Variants in SLC26A7 observed in about 807,000 individuals in gnomAD.
SLC26A7 encodes anion exchange transporter.
In SLC26A7, 59 loss-of-function variants were observed where a neutral mutation model predicts 82.5. That is an observed-to-expected ratio of 0.72 (90% CI 0.58 to 0.89). The LOEUF (loss-of-function observed/expected upper bound fraction) is 0.89, where lower values mean the gene tolerates loss of function less well. Among genes scored for constraint, SLC26A7 ranks in the 40% least tolerant of loss-of-function variants. The pLI, the probability that SLC26A7 is intolerant of heterozygous loss-of-function variation, is 0.00. For missense variants in SLC26A7, 820 were observed against 793.0 expected, an observed-to-expected ratio of 1.03 and a Z score of -0.41; for synonymous variants, 271 against 274.3, an observed-to-expected ratio of 0.99 and a Z score of 0.12.
intron 9 of SLC26A7, chr8:91,343,861 C>T (rs1291140159): frequency 5.5e-6 from 2 of 363,784 alleles, no homozygotes; most frequent in African/African-American, 4.4e-5. Flanking sequence ...ACTGAAAGTT[C>T]TATCTATAGA....
chr8:91,333,213 G>C (rs1813142814), intron 5 of SLC26A7, among the ~76,000 whole-genome samples: 1 of 152,046 alleles, frequency 6.6e-6, no homozygotes, highest in Admixed American at 6.6e-5. Context: ...TTTTAAAAAG[G>C]GCTTTAATGT....
intron 5 of SLC26A7, among the ~76,000 whole-genome samples, chr8:91,320,827 G>A (rs1812770894): frequency 6.6e-6 from 1 of 152,174 alleles, no homozygotes; most frequent in African/African-American, 2.4e-5. Flanking sequence ...TTTCACAATT[G>A]TTATATCCTT....
intron 2 of SLC26A7, among the ~76,000 whole-genome samples, chr8:91,229,387 CCTCT>C (rs1312076595): frequency 6.6e-6 from 1 of 152,070 alleles, no homozygotes; most frequent in Non-Finnish European, 1.5e-5. Context: ...TGAATTTTTC[CCTCT>C]AACATTTTAT....
chr8:91,306,413 G>GA (rs1409398173), intron 4 of SLC26A7, among the ~76,000 whole-genome samples: 22 of 152,144 alleles, frequency 1.4e-4, no homozygotes, highest in African/African-American at 5.1e-4. Flanking sequence ...GATGTATGCA[G>GA]GATTCGGGAA....
intron 2 of SLC26A7, among the ~76,000 whole-genome samples, chr8:91,255,340 C>A (rs184249845): frequency 1.3e-5 from 2 of 152,266 alleles, no homozygotes; most frequent in Admixed American, 6.5e-5. Context: ...AGCTGAGCTT[C>A]ATTGCACTCC....
rs2130830981 is a variant in SLC26A7, at chr8:91,334,319, A to G, written c.667A>G (p.Ile223Val). The G allele has an allele frequency of 6.2e-7, 1 of 1,612,378 alleles. No individual in the cohort carries two copies. Among genetic ancestry groups the G allele is most frequent in the East Asian group, 2.2e-5 (1 of 44,818 alleles). The part of the protein sequence containing the change: ...FYIYAYVFEN[I>V]KSVRLEALLL... ...GATTTATGCATATGTTTTTGAAAAC[A>G]TCAAGTCTGTGCGACTGGAAGCATT... The change falls in exon 6 of 19, where the codon ATC (isoleucine) becomes GTC (valine). Residue 223 changes from isoleucine to valine, a missense_variant. Transcript: ENST00000276609.
chr8:91,373,875 G>GA (rs1554614844), intron 15 of SLC26A7, among the ~76,000 whole-genome samples: 115 of 151,742 alleles, frequency 7.6e-4, no homozygotes, highest in African/African-American at 2.4e-3. Context: ...TTGGTTGGTA[G>GA]TTTTTTTTAT....
intron 6 of SLC26A7, among the ~76,000 whole-genome samples, chr8:91,335,475 G>A (rs1813214718): frequency 6.6e-6 from 1 of 152,112 alleles, no homozygotes; most frequent in African/African-American, 2.4e-5. Flanking sequence ...AGCAACAACT[G>A]TGAAACATAC....
chr8:91,287,477 T>G (rs1430558943), intron 2 of SLC26A7, among the ~76,000 whole-genome samples: 3 of 152,228 alleles, frequency 2.0e-5, no homozygotes, highest in African/African-American at 7.2e-5. Flanking sequence ...GGTCTACCTC[T>G]GAACAATTTT....
upstream of SLC26A7, among the ~76,000 whole-genome samples, chr8:91,248,873 C>T (rs28475339): frequency 0.084 from 12,832 of 152,132 alleles, 939 homozygotes; most frequent in African/African-American, 0.2. Flanking sequence ...GATACTTATT[C>T]TCTTAGCCCA....
chr8:91,211,647 T>G (rs138025067), intron 1 of SLC26A7, among the ~76,000 whole-genome samples: 3,098 of 149,270 alleles, frequency 0.021, 109 homozygotes, highest in African/African-American at 0.072. Context: ...CTTGGAAGCC[T>G]CTCTTTCTGT....
At chr8:91,303,276 T>A (rs931427455) in intron 4 of SLC26A7, among the ~76,000 whole-genome samples, 1 of 152,216 alleles carries the variant, frequency 6.6e-6, no homozygotes, top group Non-Finnish European at 1.5e-5. Context: ...CTTCTCCCTG[T>A]AGCTTTTATT....
At chr8:91,263,336 G>A (rs1299111131) in intron 2 of SLC26A7, among the ~76,000 whole-genome samples, 2 of 152,070 alleles carry the variant, frequency 1.3e-5, no homozygotes, top group East Asian at 1.9e-4. Flanking sequence ...TGACCATGCT[G>A]CCTTGACTTT....
chr8:91,232,842 A>G (rs1810327522), intron 2 of SLC26A7, among the ~76,000 whole-genome samples: 1 of 152,212 alleles, frequency 6.6e-6, no homozygotes, highest in African/African-American at 2.4e-5. Context: ...ACTGGGGGAA[A>G]AGCATTTAGA....
chr8:91,326,871 A>G (rs542966622), intron 5 of SLC26A7, among the ~76,000 whole-genome samples: 1 of 152,130 alleles, frequency 6.6e-6, no homozygotes, highest in Non-Finnish European at 1.5e-5. Flanking sequence ...GGCTCCTGGC[A>G]TTCCTTGGCT....
intron 2 of SLC26A7, among the ~76,000 whole-genome samples, chr8:91,238,965 A>G (rs912392197): frequency 1.3e-5 from 2 of 152,208 alleles, no homozygotes; most frequent in African/African-American, 4.8e-5. Flanking sequence ...GATAGGCGTA[A>G]GTACTATGTG....
intron 15 of SLC26A7, among the ~76,000 whole-genome samples, chr8:91,378,673 G>A (rs113821299): frequency 6.6e-6 from 1 of 151,734 alleles, no homozygotes; most frequent in East Asian, 1.9e-4. Flanking sequence ...AGCTAGGAGA[G>A]CCCCGAGTCT....
chr8:91,228,741 A>T (rs2130671580), intron 2 of SLC26A7, among the ~76,000 whole-genome samples: 1 of 152,270 alleles, frequency 6.6e-6, no homozygotes, highest in South Asian at 2.1e-4. Flanking sequence ...AAAGCCTGTG[A>T]TTTCTTTCTG....
chr8:91,358,152 A>G (rs1420071968), intron 11 of SLC26A7, among the ~76,000 whole-genome samples: 1 of 152,162 alleles, frequency 6.6e-6, no homozygotes, highest in African/African-American at 2.4e-5. Flanking sequence ...ACACTTTTAC[A>G]CTGTTGGTGG....
Sources: allele counts gnomAD v4.1 joint callset (sites outside exome capture counted in the v4.1 genomes callset), GRCh38; gene constraint gnomAD v4.1.1; transcripts MANE v1.5; gene names NCBI Gene and HGNC (gene_info 2026-07-23, HGNC 2026-07-21).